Variants in CCDC13 observed in about 807,000 individuals in gnomAD.
CCDC13 encodes the protein coiled-coil domain containing 13, also known as coiled-coil domain-containing protein 13.
CCDC13 carries 70 observed loss-of-function variants against 87.3 expected under a neutral mutation model. The observed-to-expected ratio is 0.80, with a 90% CI of 0.66 to 0.98. The LOEUF is 0.98. Ranked by LOEUF, CCDC13 falls within the 50% of genes least tolerant of loss-of-function variation. The probability of loss-of-function intolerance (pLI) is 0.00; values close to 1 mark genes in which losing one functional copy is unlikely to be tolerated. For synonymous variants in CCDC13, 317 were observed against 360.3 expected, an observed-to-expected ratio of 0.88 and a Z score of 1.36; for missense variants, 842 against 892.0, an observed-to-expected ratio of 0.94 and a Z score of 0.71.
chr3:42,754,461 G>A (rs1261275050), intron 3 of CCDC13, among the ~76,000 whole-genome samples: 2 of 152,164 alleles, frequency 1.3e-5, no homozygotes, highest in Non-Finnish European at 2.9e-5. Flanking sequence ...TAACGGGGGT[G>A]GTGATAATAA....
rs1689221972 is a variant in CCDC13 at position 42,706,045 on chromosome 3, A to G, written c.*2935T>C. On this transcript the variant is annotated 3_prime_UTR_variant, in exon 16 of 16. Coordinates refer to ENST00000310232, the MANE Select transcript of CCDC13 (RefSeq NM_144719.4). Reference sequence around the variant, plus strand: ...CCCGGTCCTGCATCCTTCCCCACCCAGCTCCATCATGGCGTTTCCCACACC... The same window carrying G: ...CCCGGTCCTGCATCCTTCCCCACCCGGCTCCATCATGGCGTTTCCCACACC... The G allele has an allele frequency of 6.6e-6, 1 of 152,306 alleles. No homozygotes were observed. Among genetic ancestry groups the G allele is most frequent in the Non-Finnish European group, 1.5e-5 (1 of 68,120 alleles). 9.4% of individuals were successfully genotyped at this position (152,306 alleles called of 1,614,324 possible). A position where few individuals can be genotyped will look rare whatever the true frequency, so the allele number is the denominator to read the frequency against.
intron 13 of CCDC13, among the ~76,000 whole-genome samples, chr3:42,726,121 T>A (rs1698681492): frequency 6.6e-6 from 1 of 152,174 alleles, no homozygotes; most frequent in South Asian, 2.1e-4. Flanking sequence ...CTTGGCTCAC[T>A]GCAACCTCCG....
At chr3:42,758,056 C>T (rs954286551) in intron 2 of CCDC13, 69 bp downstream of exon 2, 38 of 1,160,708 alleles carry the variant, frequency 3.3e-5, no homozygotes, top group African/African-American at 8.6e-5. Context: ...GCTATAGCTC[C>T]GGTGGTACAC....
In CCDC13 at chr3:42,746,732, C is replaced by T. The variant is rs1440653830; in HGVS notation, c.720+525G>A. 3.3e-5 allele frequency: 6 copies of T among 181,734 alleles called. No individual in the cohort carries two copies. In the South Asian group the frequency reaches 7.1e-4, roughly 21 times the overall value. The allele number at this position is 181,734 out of a possible 1,614,324, so 11.3% of individuals were successfully genotyped here. On this transcript the variant is annotated intron_variant, in intron 6 of 15. Coordinates refer to ENST00000310232, the MANE Select transcript of CCDC13 (RefSeq NM_144719.4). Reference sequence around the variant, plus strand: ...CAGGGAAGACAAATGCCAGAGAATTCGCTATGTAAATAAAAATAAATAACG... The same window carrying T: ...CAGGGAAGACAAATGCCAGAGAATTTGCTATGTAAATAAAAATAAATAACG...
intron 8 of CCDC13, chr3:42,740,909 G>C (rs1432315313): frequency 6.6e-6 from 1 of 152,166 alleles, no homozygotes; most frequent in African/African-American, 2.4e-5. Context: ...TGAATCTATA[G>C]GACACAAGCC....
chr3:42,710,449 A>C (rs1379687763), intron 14 of CCDC13, among the ~76,000 whole-genome samples: 1 of 152,094 alleles, frequency 6.6e-6, no homozygotes, highest in African/African-American at 2.4e-5. Flanking sequence ...ACTGTACCTG[A>C]TGCCCTCATA....
At chr3:42,749,865 A>G in intron 5 of CCDC13, 1 of 456,546 alleles carries the variant, frequency 2.2e-6, no homozygotes, top group Non-Finnish European at 4.4e-6. Context: ...GTTCAGCTCC[A>G]CTCTGGAATG....
chr3:42,709,271 T>G (rs1698246089), intron 15 of CCDC13, 132 bp from the exon 16 acceptor site: 1 of 876,428 alleles, frequency 1.1e-6, no homozygotes, highest in Non-Finnish European at 1.7e-6. Context: ...ACCCATCCCC[T>G]CCTCTCACTG....
rs531535524 is a variant in CCDC13 at position 42,758,162 on chromosome 3, C to A, written c.184G>T (p.Ala62Ser). Residue 62 changes from alanine (A) to serine (S), a missense_variant, in exon 2 of 16, where the codon GCA (alanine) becomes TCA (serine). Ala to Ser is a moderately conservative substitution (Grantham distance 99, BLOSUM62 1). Coordinates refer to ENST00000310232, the MANE Select transcript of CCDC13 (RefSeq NM_144719.4). ...CTATTTTTCGAGTTTGGCTCCCCTG[C>A]GTGGAGAAGGCTGAGGCCATCTGAA... ...EVSDGLSLLHAGEPNSKNSFE... is the reference protein window; with the variant it reads ...EVSDGLSLLHSGEPNSKNSFE... 2.5e-6 allele frequency: 4 copies of A among 1,614,048 alleles called. No individual in the cohort carries two copies. The highest frequency in any genetic ancestry group is 2.2e-5 in the East Asian group (1 of 44,882).
rs773058685 is a variant in CCDC13, at chr3:42,752,606, A to T, written c.482T>A (p.Leu161Gln). The change falls in exon 4 of 16, where the codon CTG becomes CAG. Residue 161 changes from leucine (L) to glutamine (Q), a missense_variant. Transcript: ENST00000310232. Reference sequence around the variant, plus strand: ...CTCCAGCTCCTGGATGCGATTGGTCAGCTGCTTCACCCTGGTTTTTGCACC... The same window carrying T: ...CTCCAGCTCCTGGATGCGATTGGTCTGCTGCTTCACCCTGGTTTTTGCACC... ...SEGAKTRVKQ[L>Q]TNRIQELERE... 3 of 1,614,238 alleles carry T rather than the reference A, an allele frequency of 1.9e-6. No homozygotes were observed. The highest frequency in any genetic ancestry group is 2.2e-5 in the South Asian group (2 of 91,092).
chr3:42,760,541 T>C (rs1348835204), intron 1 of CCDC13, among the ~76,000 whole-genome samples: 2 of 151,282 alleles, frequency 1.3e-5, no homozygotes, highest in Non-Finnish European at 2.9e-5. Context: ...CACTTGAACC[T>C]GGGAGGCAGA....
intron 14 of CCDC13, among the ~76,000 whole-genome samples, chr3:42,711,732 T>C (rs2125867854): frequency 6.6e-6 from 1 of 152,280 alleles, no homozygotes; most frequent in African/African-American, 2.4e-5. Flanking sequence ...GCCTCCTCAT[T>C]TTACGGATGG....
intron 1 of CCDC13, among the ~76,000 whole-genome samples, chr3:42,764,109 G>A (rs1168203089): frequency 6.6e-6 from 1 of 152,220 alleles, no homozygotes. Flanking sequence ...GAATAAAAGA[G>A]ATAAAAGTTT....
chr3:42,736,255 G>C (rs1017064076), intron 9 of CCDC13, among the ~76,000 whole-genome samples: 1 of 152,194 alleles, frequency 6.6e-6, no homozygotes, highest in African/African-American at 2.4e-5. Flanking sequence ...GCTTGGCTGG[G>C]AGACTGCCCT....
At chr3:42,752,943 G>C (rs1699622136) in intron 3 of CCDC13, among the ~76,000 whole-genome samples, 1 of 152,182 alleles carries the variant, frequency 6.6e-6, no homozygotes, top group Non-Finnish European at 1.5e-5. Context: ...CTAGGAAAAT[G>C]ATAAAAACAG....
At chr3:42,767,223 T>C (rs1281475980) in intron 1 of CCDC13, among the ~76,000 whole-genome samples, 1 of 150,512 alleles carries the variant, frequency 6.6e-6, no homozygotes, top group Non-Finnish European at 1.5e-5. Flanking sequence ...TGCAGCAAGG[T>C]TGCAAGAAGT....
intron 15 of CCDC13, 29 bp downstream of exon 15, chr3:42,709,655 C>T: frequency 3.2e-6 from 5 of 1,575,512 alleles, no homozygotes; most frequent in Non-Finnish European, 4.4e-6. Flanking sequence ...ACAACCCTAC[C>T]CTTTCAGGAA....
chr3:42,771,397 T>C (rs1286493162), intron 1 of CCDC13, among the ~76,000 whole-genome samples: 4 of 152,142 alleles, frequency 2.6e-5, no homozygotes, highest in Non-Finnish European at 5.9e-5. Flanking sequence ...CTGTTCTGTA[T>C]ACTTTACTGG....
chr3:42,764,242 G>A lies in CCDC13; in HGVS notation c.-6-5891C>T, dbSNP rs1032921804. ...GGTCAACTTTTCCTGAATTCCAAAA[G>A]GGAGGAGGGTATAATGAGGCGTGTC... On this transcript the variant is annotated intron_variant, in intron 1 of 15. Transcript: ENST00000310232. Among the ~76,000 whole-genome samples the A allele has an allele frequency of 5.9e-5, 9 of 152,268 alleles. 1 individual carries two copies. The South Asian group carries it at 8.3e-4, about 14-fold the overall frequency.
Sources: gnomAD v4.1 joint callset for allele counts (sites outside exome capture counted in the v4.1 genomes callset) on GRCh38, gnomAD v4.1.1 for gene constraint, MANE v1.5 for transcripts, NCBI Gene and HGNC (gene_info 2026-07-23, HGNC 2026-07-21) for gene names.